DLG2: variants seen among roughly 807,000 people sequenced by gnomAD.
The protein encoded by DLG2 is disks large homolog 2.
In DLG2, 45 loss-of-function variants were observed where a neutral mutation model predicts 132.5. That is an observed-to-expected ratio of 0.34 (90% CI 0.27 to 0.44). The LOEUF (loss-of-function observed/expected upper bound fraction) is 0.44, where lower values mean the gene tolerates loss of function less well. Ranked by LOEUF, DLG2 falls within the 20% of genes least tolerant of loss-of-function variation. The probability of loss-of-function intolerance (pLI) is 1.00; values close to 1 mark genes in which losing one functional copy is unlikely to be tolerated. For missense variants in DLG2, 1,045 were observed against 1,196.9 expected (o/e 0.87, Z 1.87); for synonymous variants, 424 against 419.6 (o/e 1.01, Z -0.13).
intron 19 of DLG2, among the ~76,000 whole-genome samples, chr11:83,569,083 C>T: frequency 6.6e-6 from 1 of 152,122 alleles, no homozygotes; most frequent in East Asian, 1.9e-4. Flanking sequence ...ATTCAGAGAT[C>T]TGAAGTACAG....
At chr11:85,414,704 C>T (rs147093662) in intron 3 of DLG2, among the ~76,000 whole-genome samples, 45 of 151,912 alleles carry the variant, frequency 3.0e-4, no homozygotes, top group African/African-American at 1.1e-3. Flanking sequence ...TATTGAAGTC[C>T]CCCACTATTA....
chr11:84,887,814 A>G (rs962332794), intron 6 of DLG2, among the ~76,000 whole-genome samples: 3 of 148,738 alleles, frequency 2.0e-5, no homozygotes, highest in Non-Finnish European at 3.0e-5. Flanking sequence ...CTTCACAAGA[A>G]GAGACTATCG....
intron 18 of DLG2, among the ~76,000 whole-genome samples, chr11:83,779,058 TA>T (rs1441768659): frequency 2.6e-5 from 4 of 152,168 alleles, no homozygotes; most frequent in Non-Finnish European, 5.9e-5. Flanking sequence ...AAGTTTTATT[TA>T]AGTTTCTTTC....
intron 11 of DLG2, among the ~76,000 whole-genome samples, chr11:84,006,233 A>G (rs1304241945): frequency 3.9e-5 from 6 of 151,974 alleles, no homozygotes; most frequent in East Asian, 3.9e-4. Flanking sequence ...AAGAATGACA[A>G]TTATTGCATG....
intron 19 of DLG2, among the ~76,000 whole-genome samples, chr11:83,600,158 T>A (rs989445655): frequency 6.6e-6 from 1 of 151,782 alleles, no homozygotes; most frequent in Non-Finnish European, 1.5e-5. Context: ...AATAAGCTCA[T>A]GATAGAGAGA....
rs1324551237 is a variant in DLG2 at position 85,097,650 on chromosome 11, T to C, written c.357+14011A>G. Among the ~76,000 whole-genome samples the C allele has an allele frequency of 1.3e-5, 2 of 152,218 alleles. 1 individual carries two copies. Among genetic ancestry groups the C allele is most frequent in the Admixed American group, 1.3e-4 (2 of 15,282 alleles). On this transcript the variant is annotated intron_variant, in intron 6 of 27. Coordinates refer to ENST00000376104, the MANE Select transcript of DLG2 (RefSeq NM_001142699.3). ...TTTCCATTGTTTTTTCTTCAGACAATTGTAAAGAGAAGATTTTCCTGTATC... is the reference window on the plus strand; with the variant it reads ...TTTCCATTGTTTTTTCTTCAGACAACTGTAAAGAGAAGATTTTCCTGTATC...
At chr11:84,147,971 T>C (rs1015818137) in intron 9 of DLG2, among the ~76,000 whole-genome samples, 21 of 151,894 alleles carry the variant, frequency 1.4e-4, no homozygotes, top group African/African-American at 4.3e-4. Flanking sequence ...ATTTTTATTT[T>C]TTTTACCACA....
At chr11:84,118,101 C>A (rs572445079) in intron 9 of DLG2, among the ~76,000 whole-genome samples, 17 of 152,298 alleles carry the variant, frequency 1.1e-4, no homozygotes, top group African/African-American at 4.1e-4. Context: ...AGGTGATCCA[C>A]CTGCGTCGGC....
intron 11 of DLG2, among the ~76,000 whole-genome samples, chr11:83,986,695 A>C (rs1592420677): frequency 1.3e-5 from 2 of 151,830 alleles, no homozygotes; most frequent in South Asian, 4.2e-4. Context: ...AAGTGTTCCT[A>C]TTTCTCCACA....
intron 18 of DLG2, among the ~76,000 whole-genome samples, chr11:83,670,794 C>A (rs2153573963): frequency 6.6e-6 from 1 of 152,144 alleles, no homozygotes; most frequent in South Asian, 2.1e-4. Context: ...TGGGCATGTA[C>A]ATGTTAACAT....
chr11:83,808,819 A>T (rs1449678834), intron 17 of DLG2, among the ~76,000 whole-genome samples: 3 of 151,298 alleles, frequency 2.0e-5, no homozygotes, highest in Non-Finnish European at 4.4e-5. Flanking sequence ...CTTGATTCTC[A>T]TTTTTTTTCC....
At chr11:85,427,783 C>T (rs1201137188) in intron 3 of DLG2, among the ~76,000 whole-genome samples, 4 of 152,206 alleles carry the variant, frequency 2.6e-5, no homozygotes, top group Admixed American at 1.3e-4. Context: ...ACACTATTAA[C>T]TTTAAATGTA....
At chr11:85,506,378 C>T (rs2093933855) in intron 3 of DLG2, among the ~76,000 whole-genome samples, 1 of 152,130 alleles carries the variant, frequency 6.6e-6, no homozygotes, top group South Asian at 2.1e-4. Flanking sequence ...CCTCTACACA[C>T]TGCTTTAAAT....
intron 6 of DLG2, among the ~76,000 whole-genome samples, chr11:84,546,179 T>C (rs190056530): frequency 1.3e-5 from 2 of 152,226 alleles, no homozygotes; most frequent in African/African-American, 2.4e-5. Context: ...TGGGAGGTGA[T>C]TGGATCATAG....
chr11:84,125,030 A>T (rs989920178), intron 9 of DLG2, among the ~76,000 whole-genome samples: 5 of 151,802 alleles, frequency 3.3e-5, no homozygotes, highest in African/African-American at 9.7e-5. Flanking sequence ...TTGTATTTTC[A>T]GTAGAGACGG....
At chr11:85,017,068 A>T (rs77166946) in intron 6 of DLG2, among the ~76,000 whole-genome samples, 5,719 of 152,246 alleles carry the variant, frequency 0.038, 164 homozygotes, top group African/African-American at 0.065. Flanking sequence ...AGAGTTGGGT[A>T]GTTGCTACAG....
intron 6 of DLG2, among the ~76,000 whole-genome samples, chr11:84,743,708 G>T (rs1234180548): frequency 2.6e-5 from 4 of 151,920 alleles, no homozygotes; most frequent in African/African-American, 9.7e-5. Context: ...AATGACATGC[G>T]CCAAGAAAGT....
chr11:84,844,413 C>G (rs539691480), intron 6 of DLG2, among the ~76,000 whole-genome samples: 7 of 151,582 alleles, frequency 4.6e-5, no homozygotes, highest in Non-Finnish European at 1.0e-4. Flanking sequence ...GATGAGAGGA[C>G]GGTCCCCTCC....
At chr11:84,238,805 A>C (rs1185262414) in intron 8 of DLG2, among the ~76,000 whole-genome samples, 1 of 152,106 alleles carries the variant, frequency 6.6e-6, no homozygotes, top group Non-Finnish European at 1.5e-5. Context: ...CTTTTCACTC[A>C]ACTAGCCACT....
Sources: allele counts gnomAD v4.1 joint callset (sites outside exome capture counted in the v4.1 genomes callset), GRCh38; gene constraint gnomAD v4.1.1; transcripts MANE v1.5; gene names NCBI Gene and HGNC (gene_info 2026-07-23, HGNC 2026-07-21).